ZNF136: variants seen among roughly 807,000 people sequenced by gnomAD.
ZNF136 encodes the protein zinc finger protein 136.
Under a neutral mutation model 11.4 loss-of-function variants are expected in ZNF136, and 8 were observed. That is an observed-to-expected ratio of 0.70 (90% CI 0.41 to 1.27). ZNF136 has a LOEUF of 1.27. ZNF136 is among the 50% of genes most tolerant of loss of function. The pLI is 0.01. For missense variants in ZNF136, 590 were observed against 656.5 expected (o/e 0.90, Z 1.11); for synonymous variants, 190 against 207.1 (o/e 0.92, Z 0.71).
chr19:12,186,906 C>T lies in ZNF136; in HGVS notation c.528C>T (p.Thr176=). 1.2e-6 allele frequency: 2 copies of T among 1,613,708 alleles called. No individual in the cohort carries two copies. Among genetic ancestry groups the T allele is most frequent in the Non-Finnish European group, 1.7e-6 (2 of 1,179,868 alleles). The change falls in exon 4 of 4, where the codon ACC becomes ACT. Residue 176 remains threonine (T), a synonymous_variant. Transcript: ENST00000343979. ...ATGATTGTAAGGAATGTGGAAAAAC[C>T]TTCTTTTCTCTCAAAAGAATTAGAA... ...KLYDCKECGK[T]FFSLKRIRRH... is the part of the protein sequence containing the mutation.
chr19:12,179,289 G>A (rs922995955), intron 1 of ZNF136, among the ~76,000 whole-genome samples: 1 of 151,372 alleles, frequency 6.6e-6, no homozygotes. Context: ...ATAGGAGAGC[G>A]CTCAAAAGAA....
intron 1 of ZNF136, among the ~76,000 whole-genome samples, chr19:12,176,454 A>G (rs968217816): frequency 1.1e-4 from 17 of 151,768 alleles, no homozygotes; most frequent in African/African-American, 1.7e-4. Context: ...AGCCTCCCGT[A>G]TAGCTGGGAT....
At chr19:12,181,053 G>A (rs1454709591) in intron 1 of ZNF136, among the ~76,000 whole-genome samples, 2 of 152,166 alleles carry the variant, frequency 1.3e-5, no homozygotes, top group African/African-American at 2.4e-5. Context: ...CACCCTGTAC[G>A]ATCTTGTGGT....
chr19:12,180,637 C>T (rs769129038), intron 1 of ZNF136, among the ~76,000 whole-genome samples: 21 of 152,078 alleles, frequency 1.4e-4, no homozygotes, highest in Admixed American at 2.6e-4. Flanking sequence ...TTTATATTTC[C>T]ACCTCTTATA....
chr19:12,175,348 T>C (rs156178), intron 1 of ZNF136, among the ~76,000 whole-genome samples: 149,660 of 152,194 alleles, frequency 0.98, 73,584 homozygotes, highest in East Asian at 1. Context: ...GCCTGCATCA[T>C]CACACCTGGC....
Position 12,187,744 on chromosome 19 carries a change from G to A in ZNF136, c.1366G>A (p.Ala456Thr), listed in dbSNP as rs754538532. Residue 456 changes from alanine to threonine, a missense_variant, in exon 4 of 4, where the codon GCC becomes ACC. Transcript: ENST00000343979. ...CTATGAGTGTAAGCAATGTGGGAAA[G>A]CCTTCAGTTATCTCAACTCCTTTCG... Reference protein sequence around the residue: ...KPYECKQCGKAFSYLNSFRTH... With the variant: ...KPYECKQCGKTFSYLNSFRTH... The A allele has an allele frequency of 2.5e-6, 4 of 1,613,444 alleles. No individual in the cohort carries two copies. In the Admixed American group the frequency reaches 6.7e-5, roughly 27 times the overall value.
intron 1 of ZNF136, among the ~76,000 whole-genome samples, chr19:12,171,978 CTTTTTTT>C (rs57769136): frequency 7.7e-6 from 1 of 129,546 alleles, no homozygotes; most frequent in South Asian, 2.4e-4. Context: ...CTCTCTCTCT[CTTTTTTT>C]TTTTTTTTTT....
chr19:12,187,680 A>T lies in ZNF136; in HGVS notation c.1302A>T (p.Ser434=). 6.2e-7 allele frequency: 1 copy of T among 1,613,840 alleles called. No homozygotes were observed. The highest frequency in any genetic ancestry group is 8.5e-7 in the Non-Finnish European group (1 of 1,179,958). ...HCGKAFVSST[S]IRIHERTHTG... ...GTAAAGCTTTCGTTTCTTCAACATCAATTCGAATACATGAAAGAACTCATA... is the reference window on the plus strand; with the variant it reads ...GTAAAGCTTTCGTTTCTTCAACATCTATTCGAATACATGAAAGAACTCATA... Residue 434 remains serine, a synonymous_variant, in exon 4 of 4, where the codon TCA becomes TCT. Transcript: ENST00000343979.
intron 1 of ZNF136, among the ~76,000 whole-genome samples, chr19:12,171,642 A>G (rs1914655827): frequency 6.6e-6 from 1 of 151,240 alleles, no homozygotes; most frequent in African/African-American, 2.4e-5. Context: ...TGTTCCAGGG[A>G]GTGATTTATC....
At chr19:12,186,235 T>A in intron 3 of ZNF136, 61 bp downstream of exon 3, 1 of 1,510,010 alleles carries the variant, frequency 6.6e-7, no homozygotes, top group Non-Finnish European at 8.9e-7. Context: ...CATGAAATTT[T>A]AAAAACAGGC....
intron 1 of ZNF136, among the ~76,000 whole-genome samples, chr19:12,174,875 T>TTTTTG: frequency 6.7e-6 from 1 of 149,362 alleles, no homozygotes; most frequent in African/African-American, 2.5e-5. Context: ...TTTTTTTTTT[T>TTTTTG]GAGACGGAAT....
At chr19:12,163,882 C>T (rs947477959) in intron 1 of ZNF136, 1 of 152,232 alleles carries the variant, frequency 6.6e-6, no homozygotes, top group Non-Finnish European at 1.5e-5. Flanking sequence ...CCTTTTGTCT[C>T]CTCTATGCAC....
intron 1 of ZNF136, among the ~76,000 whole-genome samples, chr19:12,168,483 A>C (rs1175839739): frequency 6.6e-6 from 1 of 151,982 alleles, no homozygotes; most frequent in African/African-American, 2.4e-5. Flanking sequence ...TGGTGAACGC[A>C]GTGATGTTCT....
Position 12,188,665 on chromosome 19 carries a change from G to A in ZNF136, c.*664G>A, listed in dbSNP as rs778321790. ...GTTGAGGTATTGAATTTGAACAGAT[G>A]TTTTGGCTCTGGCTGGGTGTGGTGG... is the stretch of plus-strand genomic sequence containing the variant. On this transcript the variant is annotated 3_prime_UTR_variant, in exon 4 of 4. Coordinates refer to ENST00000343979, the MANE Select transcript of ZNF136 (RefSeq NM_003437.5). 6.6e-6 allele frequency: 1 copy of A among 152,092 alleles called. No homozygotes were observed. The highest frequency in any genetic ancestry group is 1.5e-5 in the Non-Finnish European group (1 of 68,050). 9.4% of individuals were successfully genotyped at this position (152,092 alleles called of 1,614,324 possible).
chr19:12,177,221 T>C (rs56043140), intron 1 of ZNF136, among the ~76,000 whole-genome samples: 26,220 of 152,214 alleles, frequency 0.17, 2,685 homozygotes, highest in African/African-American at 0.29. Context: ...GGAAGAGGTA[T>C]TGAAAGGATA....
chr19:12,187,133 A>G lies in ZNF136; in HGVS notation c.755A>G (p.Tyr252Cys). The G allele has an allele frequency of 1.2e-6, 2 of 1,614,188 alleles. No homozygotes were observed. The highest frequency in any genetic ancestry group is 1.6e-4 in the Middle Eastern group (1 of 6,062). The change falls in exon 4 of 4, where the codon TAT (tyrosine) becomes TGT (cysteine). Residue 252 changes from tyrosine to cysteine, a missense_variant. Tyr to Cys is a radical substitution (Grantham distance 194, BLOSUM62 -2). Transcript: ENST00000343979. ...ATAAAGCACACTGGAGATGGACCTT[A>G]TAAATGTAAGGTATGTGGGAAACCC... Reference protein sequence around the residue: ...HMIKHTGDGPYKCKVCGKPFH... With the variant: ...HMIKHTGDGPCKCKVCGKPFH...
At chr19:12,166,957 A>G (rs946190426) in intron 1 of ZNF136, among the ~76,000 whole-genome samples, 6 of 152,250 alleles carry the variant, frequency 3.9e-5, no homozygotes, top group Non-Finnish European at 7.3e-5. Context: ...GCACCAATCA[A>G]ATATAAGATC....
intron 1 of ZNF136, among the ~76,000 whole-genome samples, chr19:12,179,199 C>T (rs957551721): frequency 2.0e-5 from 3 of 151,594 alleles, no homozygotes; most frequent in African/African-American, 7.3e-5. Context: ...TTATCAGGAC[C>T]ATAGCTCCTG....
intron 1 of ZNF136, among the ~76,000 whole-genome samples, chr19:12,177,103 C>G (rs1281340149): frequency 6.6e-6 from 1 of 152,170 alleles, no homozygotes; most frequent in Non-Finnish European, 1.5e-5. Context: ...TAGGGGGAAA[C>G]ATTCAGTGTC....
Sources: gnomAD v4.1 joint callset for allele counts (sites outside exome capture counted in the v4.1 genomes callset) on GRCh38, gnomAD v4.1.1 for gene constraint, MANE v1.5 for transcripts, NCBI Gene and HGNC (gene_info 2026-07-23, HGNC 2026-07-21) for gene names.